Variants in NRXN3 observed in about 807,000 individuals in gnomAD.
NRXN3 encodes neurexin 3.
NRXN3 carries 32 observed loss-of-function variants against 137.6 expected under a neutral mutation model. That is an observed-to-expected ratio of 0.23 (90% CI 0.18 to 0.31). The LOEUF is 0.31. Ranked by LOEUF, NRXN3 falls within the 10% of genes least tolerant of loss-of-function variation. The pLI is 1.00. For synonymous variants in NRXN3, 798 were observed against 784.5 expected, an observed-to-expected ratio of 1.02 and a Z score of -0.29; for missense variants, 1,574 against 2,062.5, an observed-to-expected ratio of 0.76 and a Z score of 4.59.
intron 15 of NRXN3, among the ~76,000 whole-genome samples, chr14:79,111,426 C>A (rs1270691133): frequency 6.6e-6 from 1 of 152,122 alleles, no homozygotes; most frequent in East Asian, 1.9e-4. Context: ...AGTTCTAGAC[C>A]TTCTCTCCCT....
intron 4 of NRXN3, among the ~76,000 whole-genome samples, chr14:78,626,988 C>T (rs1317515719): frequency 1.3e-5 from 2 of 152,198 alleles, no homozygotes; most frequent in South Asian, 2.1e-4. Context: ...CTACAGCCAT[C>T]AGGAAGAGAA....
chr14:78,536,837 A>G (rs1187675096), intron 4 of NRXN3, among the ~76,000 whole-genome samples: 1 of 145,426 alleles, frequency 6.9e-6, no homozygotes, highest in Non-Finnish European at 1.5e-5. Flanking sequence ...ATTCTCACCT[A>G]TGAGTGAGAA....
At chr14:78,212,412 C>G (rs1317940590) in intron 1 of NRXN3, among the ~76,000 whole-genome samples, 1 of 152,186 alleles carries the variant, frequency 6.6e-6, no homozygotes, top group African/African-American at 2.4e-5. Flanking sequence ...ACAAGTGATT[C>G]AAACCCAGTC....
chr14:78,241,331 T>G (rs573766695), intron 1 of NRXN3, among the ~76,000 whole-genome samples: 1 of 152,284 alleles, frequency 6.6e-6, no homozygotes, highest in South Asian at 2.1e-4. Context: ...TCACCTCCTA[T>G]GTATAAAGCC....
chr14:78,346,662 C>G (rs1206759663), intron 4 of NRXN3, among the ~76,000 whole-genome samples: 2 of 152,200 alleles, frequency 1.3e-5, no homozygotes, highest in African/African-American at 4.8e-5. Context: ...CCCAGGGGAG[C>G]CTTGCACTGT....
intron 15 of NRXN3, among the ~76,000 whole-genome samples, chr14:79,264,109 A>G (rs1196466773): frequency 3.9e-5 from 6 of 152,076 alleles, no homozygotes; most frequent in Non-Finnish European, 8.8e-5. Flanking sequence ...TTTTTTTGAG[A>G]CAGGGTCTTG....
chr14:78,322,812 C>T (rs528236666), intron 4 of NRXN3, among the ~76,000 whole-genome samples: 1 of 152,108 alleles, frequency 6.6e-6, no homozygotes, highest in Non-Finnish European at 1.5e-5. Context: ...GTAGCCATAT[C>T]TTGAAGTTTA....
chr14:79,761,306 A>G (rs2099037614), intron 19 of NRXN3, among the ~76,000 whole-genome samples: 1 of 151,652 alleles, frequency 6.6e-6, no homozygotes, highest in African/African-American at 2.4e-5. Flanking sequence ...ATGATCCTTC[A>G]TCATAGCTGG....
chr14:78,334,989 G>A (rs949995034), intron 4 of NRXN3, among the ~76,000 whole-genome samples: 3 of 152,136 alleles, frequency 2.0e-5, no homozygotes, highest in Non-Finnish European at 4.4e-5. Flanking sequence ...ATGGGGAGGT[G>A]GATTGAAGGT....
chr14:78,714,422 A>T (rs2098422509), intron 7 of NRXN3, among the ~76,000 whole-genome samples: 1 of 152,224 alleles, frequency 6.6e-6, no homozygotes, highest in African/African-American at 2.4e-5. Context: ...TACAGCTCAT[A>T]CATATTAGAG....
intron 15 of NRXN3, among the ~76,000 whole-genome samples, chr14:79,369,974 GT>G (rs1041560508): frequency 2.0e-5 from 3 of 152,174 alleles, no homozygotes; most frequent in Non-Finnish European, 2.9e-5. Flanking sequence ...GAGTTTCTGT[GT>G]TGGTACACAT....
At chr14:79,659,547 A>C (rs555133882) in intron 16 of NRXN3, among the ~76,000 whole-genome samples, 1 of 152,284 alleles carries the variant, frequency 6.6e-6, no homozygotes, top group Admixed American at 6.5e-5. Flanking sequence ...CACCAAGCCA[A>C]CTAGCCCTTA....
chr14:78,461,457 T>C (rs915809731), intron 4 of NRXN3, among the ~76,000 whole-genome samples: 15 of 152,186 alleles, frequency 9.9e-5, no homozygotes, highest in African/African-American at 2.9e-4. Flanking sequence ...CTTGCAAAGA[T>C]GCCTTGGATG....
At chr14:79,722,483 T>C (rs2098848068) in intron 19 of NRXN3, among the ~76,000 whole-genome samples, 1 of 152,186 alleles carries the variant, frequency 6.6e-6, no homozygotes, top group African/African-American at 2.4e-5. Flanking sequence ...TGCTTGAGTT[T>C]TTCTTTTGTA....
intron 10 of NRXN3, among the ~76,000 whole-genome samples, chr14:78,928,546 C>T (rs940587281): frequency 1.6e-4 from 25 of 152,056 alleles, no homozygotes; most frequent in African/African-American, 5.1e-4. Flanking sequence ...TGAGAACATG[C>T]GGTGTTTGGT....
chr14:78,400,369 G>A (rs2091937700), intron 4 of NRXN3, among the ~76,000 whole-genome samples: 1 of 152,138 alleles, frequency 6.6e-6, no homozygotes, highest in South Asian at 2.1e-4. Context: ...GTTTTTACTG[G>A]TGGTACTTTT....
At chr14:78,566,061 G>A (rs1322220017) in intron 4 of NRXN3, among the ~76,000 whole-genome samples, 2 of 152,090 alleles carry the variant, frequency 1.3e-5, no homozygotes, top group African/African-American at 4.8e-5. Flanking sequence ...CAATGAAACC[G>A]TGTTGCTTTT....
intron 10 of NRXN3, among the ~76,000 whole-genome samples, chr14:78,883,461 C>A (rs73321694): frequency 1.3e-5 from 2 of 152,144 alleles, no homozygotes; most frequent in East Asian, 1.9e-4. Flanking sequence ...GTGAAGGCAC[C>A]GTAGCAGTGG....
At chr14:79,288,803 A>G (rs1409120356) in intron 15 of NRXN3, among the ~76,000 whole-genome samples, 2 of 152,228 alleles carry the variant, frequency 1.3e-5, no homozygotes, top group Admixed American at 6.5e-5. Context: ...CCTAATAAGT[A>G]TTTGAATGTT....
Sources: gnomAD v4.1 joint callset for allele counts (sites outside exome capture counted in the v4.1 genomes callset) on GRCh38, gnomAD v4.1.1 for gene constraint, MANE v1.5 for transcripts, NCBI Gene and HGNC (gene_info 2026-07-23, HGNC 2026-07-21) for gene names.